The following NDST3 variants were observed in gnomAD, a reference collection of about 807,000 sequenced individuals.
NDST3 encodes the protein N-deacetylase and N-sulfotransferase 3, also known as bifunctional heparan sulfate N-deacetylase/N-sulfotransferase 3.
In NDST3, 58 loss-of-function variants were observed where a neutral mutation model predicts 96.1. The ratio of observed to expected loss-of-function variants is 0.60; its 90% CI spans 0.49 to 0.75. The LOEUF (loss-of-function observed/expected upper bound fraction) is 0.75, where lower values mean the gene tolerates loss of function less well. Ranked by LOEUF, NDST3 falls within the 30% of genes least tolerant of loss-of-function variation. The pLI is 0.00. For missense variants in NDST3, 788 were observed against 1,034.2 expected (o/e 0.76, Z 3.27); for synonymous variants, 333 against 359.7 (o/e 0.93, Z 0.84).
At chr4:118,068,409 T>A (rs931970459) in intron 2 of NDST3, among the ~76,000 whole-genome samples, 8 of 152,140 alleles carry the variant, frequency 5.3e-5, no homozygotes, top group Non-Finnish European at 1.0e-4. Context: ...GTATTTTTTT[T>A]AAAGAAATGG....
chr4:118,080,412 G>A (rs72905206), intron 2 of NDST3, among the ~76,000 whole-genome samples: 35,413 of 151,988 alleles, frequency 0.23, 4,416 homozygotes, highest in African/African-American at 0.3. Flanking sequence ...AAAGACAGTA[G>A]AGAAGAGAGT....
In NDST3 at chr4:118,053,876, C is replaced by T; in HGVS notation, c.-35C>T. ...TCTTTTCTTTTAACTTTTTATGGTG[C>T]TTCTGTTGGCATAGTTGGGGAAAGC... On this transcript the variant is annotated 5_prime_UTR_variant, in exon 2 of 14. Transcript: ENST00000296499. The T allele has an allele frequency of 6.5e-7, 1 of 1,540,138 alleles. No homozygotes were observed. Among genetic ancestry groups the T allele is most frequent in the Non-Finnish European group, 8.7e-7 (1 of 1,146,408 alleles).
chr4:118,046,661 C>T (rs1724779337), intron 1 of NDST3, among the ~76,000 whole-genome samples: 1 of 152,172 alleles, frequency 6.6e-6, no homozygotes, highest in Non-Finnish European at 1.5e-5. Flanking sequence ...CAGAATCCAA[C>T]TCCAAGTACC....
chr4:118,079,326 CAGGGAGGTTG>C (rs1327632950), intron 2 of NDST3, among the ~76,000 whole-genome samples: 1 of 152,048 alleles, frequency 6.6e-6, no homozygotes, highest in Middle Eastern at 3.2e-3. Context: ...TGGAATATGC[CAGGGAGGTTG>C]AGCACAAGGG....
chr4:118,089,208 T>A (rs1333128794), intron 2 of NDST3, among the ~76,000 whole-genome samples: 1 of 151,978 alleles, frequency 6.6e-6, no homozygotes, highest in Non-Finnish European at 1.5e-5. Flanking sequence ...AGTGGATTTT[T>A]AAATCCTCTC....
chr4:118,202,115 T>C (rs1202171858), intron 6 of NDST3, among the ~76,000 whole-genome samples: 3 of 152,180 alleles, frequency 2.0e-5, no homozygotes, highest in Admixed American at 1.3e-4. Flanking sequence ...TCTTTATTTC[T>C]GAGTTTTCTA....
intron 10 of NDST3, 59 bp from the exon 11 acceptor site, chr4:118,240,465 T>G: frequency 1.4e-6 from 2 of 1,405,258 alleles, no homozygotes; most frequent in Non-Finnish European, 1.9e-6. Flanking sequence ...CAAAGATTGA[T>G]TTTTAATTAT....
intron 6 of NDST3, among the ~76,000 whole-genome samples, chr4:118,186,637 A>G (rs1463906459): frequency 1.3e-5 from 2 of 152,174 alleles, no homozygotes; most frequent in African/African-American, 4.8e-5. Context: ...TGCCTTTCCC[A>G]GCCCACTGAC....
intron 6 of NDST3, among the ~76,000 whole-genome samples, chr4:118,152,137 C>T (rs1178403214): frequency 6.6e-6 from 1 of 152,026 alleles, no homozygotes; most frequent in Non-Finnish European, 1.5e-5. Flanking sequence ...AAAGGAAATC[C>T]GAGTCCTCGT....
At chr4:118,152,617 G>A (rs1238173416) in intron 6 of NDST3, among the ~76,000 whole-genome samples, 1 of 152,026 alleles carries the variant, frequency 6.6e-6, no homozygotes, top group Non-Finnish European at 1.5e-5. Context: ...ACAAGGTAAA[G>A]AAAAAAATGA....
At chr4:118,042,869 TC>T (rs2110428308) in intron 1 of NDST3, among the ~76,000 whole-genome samples, 1 of 152,280 alleles carries the variant, frequency 6.6e-6, no homozygotes, top group Admixed American at 6.5e-5. Context: ...CTAATCTCTC[TC>T]TCTTTCTCTC....
chr4:118,254,343 T>C (rs1741976925), intron 13 of NDST3, among the ~76,000 whole-genome samples: 1 of 152,042 alleles, frequency 6.6e-6, no homozygotes, highest in Non-Finnish European at 1.5e-5. Flanking sequence ...TGATATAATA[T>C]ACTAAGTTTT....
chr4:118,241,212 C>T (rs1740985009), intron 11 of NDST3, among the ~76,000 whole-genome samples: 2 of 152,270 alleles, frequency 1.3e-5, no homozygotes, highest in South Asian at 4.2e-4. Context: ...CCATGCTTTC[C>T]AGTATGACAG....
At chr4:118,154,892 G>A (rs1334071622) in intron 6 of NDST3, among the ~76,000 whole-genome samples, 3 of 152,272 alleles carry the variant, frequency 2.0e-5, no homozygotes, top group East Asian at 1.9e-4. Context: ...AAATCTGTGA[G>A]TGGTTTAACA....
At chr4:118,211,113 A>T (rs1738765317) in intron 6 of NDST3, among the ~76,000 whole-genome samples, 2 of 152,108 alleles carry the variant, frequency 1.3e-5, no homozygotes, top group Admixed American at 6.6e-5. Flanking sequence ...TCTCAGGAGG[A>T]TGAGAGGAGC....
intron 2 of NDST3, among the ~76,000 whole-genome samples, chr4:118,068,354 G>C (rs976128646): frequency 2.6e-5 from 4 of 151,870 alleles, no homozygotes; most frequent in African/African-American, 9.7e-5. Flanking sequence ...CACCAGTGAT[G>C]AATCTACTGT....
At position 118,255,631 on chromosome 4, in the gene NDST3, C is replaced by T. The variant is rs1190637987; in HGVS notation, c.2541C>T (p.Asn847=). The stretch of plus-strand genomic sequence containing the variant: ...TGTCAAGCTACTATCGAGATCACAA[C>T]GTGGAACTCTCAAAGCTGCTGCACA... ...TFLSSYYRDH[N]VELSKLLHKL... The change falls in exon 14 of 14, where the codon AAC becomes AAT. Residue 847 remains asparagine, a synonymous_variant. Coordinates refer to ENST00000296499, the MANE Select transcript of NDST3 (RefSeq NM_004784.3). 21 of 1,613,668 alleles carry T rather than the reference C, an allele frequency of 1.3e-5. No individual in the cohort carries two copies. The highest frequency in any genetic ancestry group is 1.8e-5 in the Non-Finnish European group (21 of 1,179,732).
intron 5 of NDST3, among the ~76,000 whole-genome samples, chr4:118,139,970 A>G (rs1733436724): frequency 6.6e-6 from 1 of 152,110 alleles, no homozygotes; most frequent in African/African-American, 2.4e-5. Flanking sequence ...GACAGTGCCA[A>G]CCTTTTAATC....
chr4:118,072,224 G>A (rs1489279587), intron 2 of NDST3, among the ~76,000 whole-genome samples: 1 of 151,570 alleles, frequency 6.6e-6, no homozygotes, highest in Non-Finnish European at 1.5e-5. Flanking sequence ...ACTTTTTTTT[G>A]TTTCATATGA....
Sources: gnomAD v4.1 joint callset for allele counts (sites outside exome capture counted in the v4.1 genomes callset) on GRCh38, gnomAD v4.1.1 for gene constraint, MANE v1.5 for transcripts, NCBI Gene and HGNC (gene_info 2026-07-23, HGNC 2026-07-21) for gene names.